The following ZNF385D variants were observed in gnomAD, a reference collection of about 807,000 sequenced individuals.
ZNF385D encodes the protein zinc finger protein 659.
ZNF385D carries 15 observed loss-of-function variants against 35.8 expected under a neutral mutation model. That is an observed-to-expected ratio of 0.42 (90% CI 0.28 to 0.64). The LOEUF is 0.64. Among genes scored for constraint, ZNF385D ranks in the 30% least tolerant of loss-of-function variants. The probability of loss-of-function intolerance (pLI) is 0.23; values close to 1 mark genes in which losing one functional copy is unlikely to be tolerated. For synonymous variants in ZNF385D, 212 were observed against 186.8 expected (o/e 1.13, Z -1.10); for missense variants, 474 against 494.6 (o/e 0.96, Z 0.39).
intron 2 of ZNF385D, among the ~76,000 whole-genome samples, chr3:22,298,475 T>C (rs1050484538): frequency 2.1e-5 from 3 of 144,296 alleles, no homozygotes; most frequent in South Asian, 2.1e-4. Flanking sequence ...TAAATATACA[T>C]AAAACATTTA....
intron 3 of ZNF385D, among the ~76,000 whole-genome samples, chr3:22,046,099 A>C (rs1247000699): frequency 1.3e-5 from 2 of 152,148 alleles, no homozygotes; most frequent in East Asian, 3.8e-4. Context: ...GCTTAGCACA[A>C]CTGTTTCAAC....
At chr3:22,227,653 C>T (rs752660118) in intron 2 of ZNF385D, among the ~76,000 whole-genome samples, 1 of 152,098 alleles carries the variant, frequency 6.6e-6, no homozygotes, top group Non-Finnish European at 1.5e-5. Flanking sequence ...GAGATGAAAG[C>T]ACCTCTCCGT....
intron 3 of ZNF385D, among the ~76,000 whole-genome samples, chr3:22,122,213 T>C (rs35998185): frequency 0.019 from 2,831 of 152,278 alleles, 36 homozygotes; most frequent in South Asian, 0.059. Context: ...TTAATAAGTT[T>C]ACCTTCTTTC....
chr3:22,358,484 G>C (rs1296905766), intron 2 of ZNF385D, among the ~76,000 whole-genome samples: 2 of 151,736 alleles, frequency 1.3e-5, no homozygotes, highest in Non-Finnish European at 1.5e-5. Flanking sequence ...CAATACAGCA[G>C]GTCTGGTGGG....
At chr3:21,487,490 T>C (rs1468526602) in intron 4 of ZNF385D, among the ~76,000 whole-genome samples, 1 of 152,086 alleles carries the variant, frequency 6.6e-6, no homozygotes, top group Non-Finnish European at 1.5e-5. Context: ...AATAACACTA[T>C]AATCTTCCTC....
intron 5 of ZNF385D, among the ~76,000 whole-genome samples, chr3:21,430,583 A>G (rs1701250078): frequency 6.6e-6 from 1 of 152,146 alleles, no homozygotes; most frequent in Non-Finnish European, 1.5e-5. Flanking sequence ...AAGCCTTGAA[A>G]TTCCAGCCTG....
intron 3 of ZNF385D, among the ~76,000 whole-genome samples, chr3:22,114,087 T>C (rs78209032): frequency 0.021 from 3,256 of 152,166 alleles, 110 homozygotes; most frequent in African/African-American, 0.074. Flanking sequence ...ACATAAATCA[T>C]ATGCACTACG....
intron 1 of ZNF385D, among the ~76,000 whole-genome samples, chr3:21,731,612 C>G (rs1448570212): frequency 1.3e-5 from 2 of 152,188 alleles, no homozygotes; most frequent in Non-Finnish European, 2.9e-5. Context: ...ATTACAGTAA[C>G]ATACAGAATA....
chr3:21,782,290 T>A (rs143858552), intron 3 of ZNF385D, among the ~76,000 whole-genome samples: 5 of 152,230 alleles, frequency 3.3e-5, no homozygotes, highest in Non-Finnish European at 7.4e-5. Flanking sequence ...CTTGTCTTCA[T>A]GAGGTATCAA....
intron 2 of ZNF385D, among the ~76,000 whole-genome samples, chr3:22,245,369 A>G (rs1699718789): frequency 6.6e-6 from 1 of 151,902 alleles, no homozygotes; most frequent in Admixed American, 6.6e-5. Context: ...CAAGGAAAGC[A>G]TGCTGCTACT....
At chr3:22,311,412 A>T (rs939181269) in intron 2 of ZNF385D, among the ~76,000 whole-genome samples, 1 of 152,036 alleles carries the variant, frequency 6.6e-6, no homozygotes, top group South Asian at 2.1e-4. Flanking sequence ...CTACTACTTT[A>T]ATAAATGTGG....
intron 1 of ZNF385D, among the ~76,000 whole-genome samples, chr3:21,688,347 G>A (rs556095339): frequency 3.0e-4 from 45 of 151,606 alleles, no homozygotes; most frequent in Non-Finnish European, 5.3e-4. Context: ...GGTCATTATT[G>A]GTATGTCCAG....
At chr3:21,652,649 G>A (rs1219172505) in intron 2 of ZNF385D, among the ~76,000 whole-genome samples, 7 of 71,892 alleles carry the variant, frequency 9.7e-5, no homozygotes, top group Non-Finnish European at 1.3e-4. Flanking sequence ...AACAGTCCCC[G>A]AAGTGTGATG....
chr3:21,762,629 C>T (rs1244651395), intron 3 of ZNF385D, among the ~76,000 whole-genome samples: 4 of 152,084 alleles, frequency 2.6e-5, no homozygotes, highest in African/African-American at 7.2e-5. Context: ...CTCATAATGT[C>T]GGCCTATAAT....
At chr3:22,157,949 G>A (rs150364038) in intron 3 of ZNF385D, among the ~76,000 whole-genome samples, 2 of 152,060 alleles carry the variant, frequency 1.3e-5, no homozygotes, top group African/African-American at 4.8e-5. Flanking sequence ...CTTTACAAAA[G>A]TTCCCTGGGA....
intron 2 of ZNF385D, among the ~76,000 whole-genome samples, chr3:22,361,309 G>C (rs986093235): frequency 6.6e-6 from 1 of 152,084 alleles, no homozygotes. Flanking sequence ...CAAGCAATTT[G>C]CTGTAATCAG....
At chr3:21,613,216 T>G (rs2064740356) in intron 2 of ZNF385D, among the ~76,000 whole-genome samples, 1 of 152,020 alleles carries the variant, frequency 6.6e-6, no homozygotes, top group South Asian at 2.1e-4. Context: ...AACAAATATA[T>G]TTCATTAAAG....
At chr3:22,027,226 T>G (rs572998724) in intron 3 of ZNF385D, among the ~76,000 whole-genome samples, 1 of 152,320 alleles carries the variant, frequency 6.6e-6, no homozygotes, top group Non-Finnish European at 1.5e-5. Context: ...TCCACTTATT[T>G]GGATTTTGGA....
chr3:22,235,936 CA>C (rs143840271), intron 2 of ZNF385D, among the ~76,000 whole-genome samples: 94 of 152,152 alleles, frequency 6.2e-4, no homozygotes, highest in African/African-American at 2.0e-3. Flanking sequence ...CAAAACTGCA[CA>C]TGCACTTTAA....
Sources: gnomAD v4.1 joint callset for allele counts (sites outside exome capture counted in the v4.1 genomes callset) on GRCh38, gnomAD v4.1.1 for gene constraint, MANE v1.5 for transcripts, NCBI Gene and HGNC (gene_info 2026-07-23, HGNC 2026-07-21) for gene names.